The following MACF1 variants were observed in gnomAD, a reference collection of about 807,000 sequenced individuals.
MACF1 encodes microtubule-actin cross-linking factor 1.
A neutral mutation model predicts 854.8 loss-of-function variants in MACF1; 193 were observed. The ratio of observed to expected loss-of-function variants is 0.23; its 90% CI spans 0.20 to 0.25. The LOEUF (loss-of-function observed/expected upper bound fraction) is 0.25. MACF1 is among the 10% of genes least tolerant of loss of function. MACF1 has a pLI of 1.00. For synonymous variants in MACF1, 3,185 were observed against 3,226.7 expected (o/e 0.99, Z 0.44); for missense variants, 7,722 against 8,929.1 (o/e 0.86, Z 5.45).
chr1:39,183,666 C>T (rs574044018), intron 2 of MACF1, among the ~76,000 whole-genome samples: 2 of 152,182 alleles, frequency 1.3e-5, no homozygotes, highest in Admixed American at 6.5e-5. Flanking sequence ...CTGTGCCCTA[C>T]CTTAGTTCTT....
At chr1:39,477,118 GTATATA>G (rs1170894300) in intron 97 of MACF1, among the ~76,000 whole-genome samples, 2 of 24,586 alleles carry the variant, frequency 8.1e-5, no homozygotes, top group Middle Eastern at 0.021. Flanking sequence ...TACACTTAGT[GTATATA>G]TATATATATA....
At chr1:39,231,268 G>T (rs372665185) in intron 2 of MACF1, 25 bp downstream of exon 2, 1 of 1,604,248 alleles carries the variant, frequency 6.2e-7, no homozygotes, top group Non-Finnish European at 8.5e-7. Context: ...TATATATGCT[G>T]CCCCAGCACC....
chr1:39,380,193 CTT>C, intron 54 of MACF1, 49 bp from the exon 55 acceptor site: 2 of 1,589,922 alleles, frequency 1.3e-6, no homozygotes, highest in Non-Finnish European at 1.7e-6. Flanking sequence ...ACACACACAA[CTT>C]TGTTTCCTGT....
intron 15 of MACF1, among the ~76,000 whole-genome samples, chr1:39,291,060 C>T (rs114635091): frequency 0.013 from 1,904 of 152,036 alleles, 44 homozygotes; most frequent in African/African-American, 0.044. Flanking sequence ...CAACCTCTGA[C>T]TCCTGGGTTC....
intron 58 of MACF1, chr1:39,412,871 C>G (rs778702944): frequency 6.2e-7 from 1 of 1,610,906 alleles, no homozygotes; most frequent in Admixed American, 1.7e-5. Context: ...CCAGAGGGAA[C>G]TGCTGTAGTT....
intron 2 of MACF1, among the ~76,000 whole-genome samples, chr1:39,177,889 G>A (rs1323721981): frequency 6.6e-6 from 1 of 152,038 alleles, no homozygotes; most frequent in Non-Finnish European, 1.5e-5. Flanking sequence ...AGCTATGAAA[G>A]CTGCACTGCC....
intron 3 of MACF1, among the ~76,000 whole-genome samples, chr1:39,250,894 A>G (rs918015454): frequency 3.9e-5 from 6 of 152,154 alleles, no homozygotes; most frequent in Middle Eastern, 3.2e-3. Flanking sequence ...GTGATTCCAT[A>G]TGGTTCATAC....
Position 39,300,284 on chromosome 1 carries a change from G to C in MACF1, c.2556G>C (p.Gln852His). 1 of 1,613,966 alleles carries C rather than the reference G, an allele frequency of 6.2e-7. No homozygotes were observed. Reference protein sequence around the residue: ...SLVGRSKTIVQLKPRSPDHVL... With the variant: ...SLVGRSKTIVHLKPRSPDHVL... ...TTGGGAGATCAAAAACCATCGTTCA[G>C]CTAAAACCACGCAGTCCAGACCATG... is the stretch of plus-strand genomic sequence containing the variant. The change falls in exon 22 of 101, where the codon CAG becomes CAC. Residue 852 changes from glutamine to histidine, a missense_variant. Around this residue, in one of 15 missense-constraint regions of MACF1, gnomAD observed 1,137 missense variants for 1,263.0 expected, o/e 0.90. Transcript: ENST00000564288.
chr1:39,211,324 C>T lies in MACF1; in HGVS notation c.109+6193C>T, dbSNP rs376193320. On this transcript the variant is annotated intron_variant, in intron 1 of 100. Transcript: ENST00000564288. ...TGGTAAGGAATATGTGATTATTTAC[C>T]ATCATTATTAGAATTTTTTCACATA... Among the ~76,000 whole-genome samples, 15 of 152,152 alleles carry T rather than the reference C, an allele frequency of 9.9e-5. No homozygotes were observed. The East Asian group carries it at 2.5e-3, about 25-fold the overall frequency.
chr1:39,254,201 C>A (rs1645073251), intron 4 of MACF1, 97 bp from the exon 5 acceptor site: 3 of 1,011,190 alleles, frequency 3.0e-6, no homozygotes, highest in Non-Finnish European at 1.5e-6. Context: ...GTAAGGAATT[C>A]TTGTGTGGTC....
At chr1:39,098,678 G>A (rs1490480271) in intron 2 of MACF1, among the ~76,000 whole-genome samples, 1 of 152,204 alleles carries the variant, frequency 6.6e-6, no homozygotes, top group East Asian at 1.9e-4. Context: ...GAGGTGGAGC[G>A]ACTTGGCCAG....
chr1:39,428,183 G>A lies in MACF1; in HGVS notation c.16699G>A (p.Val5567Met), dbSNP rs750208672. Residue 5567 changes from valine (V) to methionine (M), a missense_variant, in exon 63 of 101, where the codon GTG (valine) becomes ATG (methionine). Val to Met is a conservative substitution (Grantham distance 21). This residue lies in a region of MACF1 where 2,807 missense variants were observed against 3,235.8 expected (regional missense o/e 0.87). Coordinates refer to ENST00000564288, the MANE Select transcript of MACF1 (RefSeq NM_001394062.1). ...TGCTAGGCTGTTTGGGGAGGATGAGGTGGAGGTGCTCAACTGGCTGGCTGA... is the reference window on the plus strand; with the variant it reads ...TGCTAGGCTGTTTGGGGAGGATGAGATGGAGGTGCTCAACTGGCTGGCTGA... ...SNARLFGEDE[V>M]EVLNWLAEVE... is the part of the protein sequence containing the mutation. 1 of 1,614,206 alleles carries A rather than the reference G, an allele frequency of 6.2e-7. No homozygotes were observed. The highest frequency in any genetic ancestry group is 1.1e-5 in the South Asian group (1 of 91,086).
chr1:39,254,628 G>A (rs980161748), intron 5 of MACF1: 7 of 427,230 alleles, frequency 1.6e-5, no homozygotes, highest in African/African-American at 1.4e-4. Context: ...ATGGAATTTT[G>A]TGGATGCACC....
chr1:39,477,858 G>A (rs891847222), intron 97 of MACF1, among the ~76,000 whole-genome samples: 1 of 151,958 alleles, frequency 6.6e-6, no homozygotes, highest in Admixed American at 6.6e-5. Context: ...CAGTGCATAG[G>A]GAACATATCA....
At chr1:39,085,019 G>C (rs1276746486) in intron 2 of MACF1, among the ~76,000 whole-genome samples, 8 of 152,126 alleles carry the variant, frequency 5.3e-5, no homozygotes, top group African/African-American at 1.7e-4. Flanking sequence ...ACGACGTGAA[G>C]GCTGGGGCTA....
At chr1:39,182,872 G>A (rs1644122721) in intron 2 of MACF1, among the ~76,000 whole-genome samples, 1 of 152,154 alleles carries the variant, frequency 6.6e-6, no homozygotes. Context: ...ATAGAATATA[G>A]AAAACATATA....
In MACF1 at chr1:39,354,256, G is replaced by A. The variant is rs143522094; in HGVS notation, c.11424+1025G>A. On this transcript the variant is annotated intron_variant, in intron 44 of 100. Transcript: ENST00000564288. ...TTGCTTCTCCATTGCATAAAGTAAC[G>A]GAGGGGGCCCAGCTATTTGTTAATT... Among the ~76,000 whole-genome samples, 4 of 152,144 alleles carry A rather than the reference G, an allele frequency of 2.6e-5. 1 individual carries two copies. The South Asian group carries it at 6.2e-4, about 24-fold the overall frequency.
rs1054695507 is a variant in MACF1 at position 39,138,671 on chromosome 1, AT to A, written c.220+54243del. On this transcript the variant is annotated intron_variant, in intron 2 of 93. Coordinates refer to the MACF1 transcript ENST00000361689. ...ATTGAAAGGTTTTAAAGGCCAAATA[AT>A]TTTTTTTTTGGAGACAGAGTCTTGC... Among the ~76,000 whole-genome samples the A allele has an allele frequency of 1.2e-3, 178 of 149,246 alleles. 1 individual carries two copies. The highest frequency in any genetic ancestry group is 6.9e-3 in the Middle Eastern group (2 of 288).
chr1:39,224,920 C>T (rs1001876299), intron 1 of MACF1, among the ~76,000 whole-genome samples: 1 of 152,170 alleles, frequency 6.6e-6, no homozygotes, highest in African/African-American at 2.4e-5. Flanking sequence ...TACAGTGGCT[C>T]ATGTCTGTAA....
Sources: gnomAD v4.1 joint callset for allele counts (sites outside exome capture counted in the v4.1 genomes callset) on GRCh38, gnomAD v4.1.1 for gene constraint, gnomAD v4.1.1 regional missense constraint, MANE v1.5 for transcripts, NCBI Gene and HGNC (gene_info 2026-07-23, HGNC 2026-07-21) for gene names.